The following STEEP1 variants were observed in gnomAD, a reference collection of about 807,000 sequenced individuals.
STEEP1 encodes STING ER exit protein.
A neutral mutation model predicts 19.2 loss-of-function variants in STEEP1; 3 were observed. The observed-to-expected ratio is 0.16, with a 90% CI of 0.07 to 0.40. The LOEUF (loss-of-function observed/expected upper bound fraction) is 0.40. STEEP1 is among the 10% of genes least tolerant of loss of function. STEEP1 has a pLI of 0.99. For missense variants in STEEP1, 54 were observed against 177.1 expected, an observed-to-expected ratio of 0.30 and a Z score of 3.94; for synonymous variants, 46 against 63.7, an observed-to-expected ratio of 0.72 and a Z score of 1.32.
intron 2 of STEEP1, among the ~76,000 whole-genome samples, chrX:119,548,466 A>G (rs1337489899): frequency 1.5e-4 from 14 of 94,686 alleles, no homozygotes; most frequent in African/African-American, 5.6e-4. Flanking sequence ...CCCGGGAGGT[A>G]GAGGTTGCAG....
rs1421240706 is a variant in STEEP1 at position 119,539,633 on chromosome X, G to A, written c.*94C>T. 1 of 644,190 alleles carries A rather than the reference G, an allele frequency of 1.6e-6. No homozygotes were observed. The highest frequency in any genetic ancestry group is 3.3e-5 in the East Asian group (1 of 30,458). The allele number at this position is 644,190 out of a possible 1,213,427, so 53.1% of individuals were successfully genotyped here. ...GAAACAACGTAAAGCCTTCTGCTAGGGCATAAATAGGAATCCGTCTATGTA... is the reference window on the plus strand; with the variant it reads ...GAAACAACGTAAAGCCTTCTGCTAGAGCATAAATAGGAATCCGTCTATGTA... On this transcript the variant is annotated 3_prime_UTR_variant, in exon 7 of 7. Transcript: ENST00000644802.
At chrX:119,552,197 G>A (rs909443545) in intron 2 of STEEP1, among the ~76,000 whole-genome samples, 5 of 111,132 alleles carry the variant, frequency 4.5e-5, no homozygotes, top group Non-Finnish European at 7.6e-5. Context: ...CTGGCTGCCC[G>A]GCTAATTTTT....
rs776964863 is a variant in STEEP1 at position 119,541,418 on chromosome X, C to T, written c.516G>A (p.Arg172=). 13 of 1,142,808 alleles carry T rather than the reference C, an allele frequency of 1.1e-5. No homozygotes were observed. Among genetic ancestry groups the T allele is most frequent in the Non-Finnish European group, 1.4e-5 (12 of 833,807 alleles). 94.2% of individuals were successfully genotyped at this position (1,142,808 alleles called of 1,213,427 possible). A position where few individuals can be genotyped will look rare whatever the true frequency, so the allele number is the denominator to read the frequency against. ...TCTGTGCATATGAGTCAGCAACTTC[C>T]CTCTGAAGGAAAAAAGGAGCATCCT... ...IDEEEEEIEA[R]EVADSYAQNA... is the part of the protein sequence containing the mutation. Residue 172 remains arginine, a splice_region_variant and synonymous_variant, in exon 6 of 7, where the codon AGG becomes AGA. Transcript: ENST00000644802.
rs762445714 is a variant in STEEP1 at position 119,545,518 on chromosome X, G to A, written c.243-14C>T. 2 of 1,131,113 alleles carry A rather than the reference G, an allele frequency of 1.8e-6. No homozygotes were observed. The highest frequency in any genetic ancestry group is 1.2e-6 in the Non-Finnish European group (1 of 824,324). 93.2% of individuals were successfully genotyped at this position (1,131,113 alleles called of 1,213,427 possible). A position where few individuals can be genotyped will look rare whatever the true frequency, so the allele number is the denominator to read the frequency against. On this transcript the variant is annotated splice_polypyrimidine_tract_variant and intron_variant, in intron 2 of 6. Transcript: ENST00000644802. ...ATGCCTTCAGGTCTGCACAGAAAAT[G>A]GAAGTTAAAAAGATATGAACAAATC... is the stretch of plus-strand genomic sequence containing the variant.
At chrX:119,560,236 G>T (rs2053311791) in intron 2 of STEEP1, 32 bp downstream of exon 2, 1 of 1,001,419 alleles carries the variant, frequency 1.0e-6, no homozygotes, top group Non-Finnish European at 1.4e-6. Flanking sequence ...ACACAATAGG[G>T]AAATCCTAAA....
At chrX:119,550,886 C>T (rs1236846236) in intron 2 of STEEP1, among the ~76,000 whole-genome samples, 1 of 110,901 alleles carries the variant, frequency 9.0e-6, no homozygotes, top group Non-Finnish European at 1.9e-5. Flanking sequence ...TAGTTTCAAA[C>T]TCCTGGCCTC....
intron 2 of STEEP1, among the ~76,000 whole-genome samples, chrX:119,559,635 T>C (rs2053307212): frequency 8.9e-6 from 1 of 111,857 alleles, no homozygotes; most frequent in African/African-American, 3.2e-5. Flanking sequence ...AATCATACCT[T>C]ATTCATCTTC....
At chrX:119,540,930 C>T (rs2053158442) in intron 6 of STEEP1, among the ~76,000 whole-genome samples, 1 of 111,410 alleles carries the variant, frequency 9.0e-6, no homozygotes, top group African/African-American at 3.3e-5. Flanking sequence ...CCTGTAGTCC[C>T]AGCTACTCAG....
chrX:119,544,005 G>A (rs775063959), intron 4 of STEEP1, among the ~76,000 whole-genome samples: 23 of 110,937 alleles, frequency 2.1e-4, no homozygotes, highest in African/African-American at 7.2e-4. Context: ...CACAAAAATG[G>A]CACCCGATTA....
At chrX:119,541,644 G>T (rs1286343857) in intron 5 of STEEP1, among the ~76,000 whole-genome samples, 3 of 112,126 alleles carry the variant, frequency 2.7e-5, no homozygotes, top group Non-Finnish European at 3.8e-5. Context: ...TGACTCTGTT[G>T]CCCAGGCTGG....
intron 1 of STEEP1, 24 bp downstream of exon 1, chrX:119,565,208 C>T (rs1015559223): frequency 5.9e-6 from 7 of 1,195,944 alleles, no homozygotes; most frequent in East Asian, 6.0e-5. Context: ...CTTGCAGACG[C>T]CCCCGCAGTT....
chrX:119,546,699 T>C (rs1194246549), intron 2 of STEEP1, among the ~76,000 whole-genome samples: 1 of 111,159 alleles, frequency 9.0e-6, no homozygotes, highest in Non-Finnish European at 1.9e-5. Flanking sequence ...CACGGCTGTT[T>C]AACAGAAACC....
At chrX:119,541,471 C>A (rs1451784817) in intron 5 of STEEP1, 51 bp from the exon 6 acceptor site, 1 of 724,866 alleles carries the variant, frequency 1.4e-6, no homozygotes, top group African/African-American at 2.1e-5. Context: ...CAAGGAATAA[C>A]AACAAAGACG....
At chrX:119,541,039 C>T (rs1302640115) in intron 6 of STEEP1, among the ~76,000 whole-genome samples, 1 of 110,945 alleles carries the variant, frequency 9.0e-6, no homozygotes, top group African/African-American at 3.3e-5. Context: ...AAGTGAGATT[C>T]CAGCTCCAAA....
intron 6 of STEEP1, among the ~76,000 whole-genome samples, chrX:119,540,465 G>A (rs1241442468): frequency 9.0e-6 from 1 of 111,356 alleles, no homozygotes; most frequent in Non-Finnish European, 1.9e-5. Context: ...CAGACACAAA[G>A]AGACTGGTAT....
At chrX:119,544,207 A>G in intron 4 of STEEP1, 146 bp downstream of exon 4, 1 of 450,952 alleles carries the variant, frequency 2.2e-6, no homozygotes, top group Non-Finnish European at 3.5e-6. Flanking sequence ...AAGAAAAAAG[A>G]AATAAAATAA....
intron 4 of STEEP1, among the ~76,000 whole-genome samples, chrX:119,542,997 C>CAAAAAAAAAAAAAAAAA (rs60574433): frequency 8.3e-5 from 4 of 47,929 alleles, no homozygotes; most frequent in Non-Finnish European, 1.5e-4. Flanking sequence ...CTGGGTCTCG[C>CAAAAAAAAAAAAAAAAA]AAAAAAAAAA....
At chrX:119,545,893 C>CAAAAAA (rs71927150) in intron 2 of STEEP1, among the ~76,000 whole-genome samples, 1 of 55,444 alleles carries the variant, frequency 1.8e-5, no homozygotes, top group African/African-American at 7.1e-5. Context: ...AACTCCGTCT[C>CAAAAAA]AAAAAAAAAA....
In STEEP1 at chrX:119,557,908, A is replaced by AT. The variant is rs1216052908; in HGVS notation, c.242+2359dup. On this transcript the variant is annotated intron_variant, in intron 2 of 6. Coordinates refer to ENST00000644802, the MANE Select transcript of STEEP1 (RefSeq NM_022101.4). ...TAGGCCACCCAATTTGTAGTACTTT[A>AT]TTTTTTTTTTATTTTTTGAGACAGT... Among the ~76,000 whole-genome samples, 122 of 107,578 alleles carry AT rather than the reference A, an allele frequency of 1.1e-3. 1 individual carries two copies. Among genetic ancestry groups the AT allele is most frequent in the East Asian group, 4.1e-3 (14 of 3,418 alleles). 93.4% of individuals were successfully genotyped at this position (107,578 alleles called of 115,157 possible).
Sources: gnomAD v4.1 joint callset for allele counts (sites outside exome capture counted in the v4.1 genomes callset) on GRCh38, gnomAD v4.1.1 for gene constraint, MANE v1.5 for transcripts, NCBI Gene and HGNC (gene_info 2026-07-23, HGNC 2026-07-21) for gene names.